Variants in LPP observed in about 807,000 individuals in gnomAD.
The protein encoded by LPP is lipoma-preferred partner.
A neutral mutation model predicts 60.4 loss-of-function variants in LPP; 38 were observed. The ratio of observed to expected loss-of-function variants is 0.63; its 90% CI spans 0.49 to 0.83. The LOEUF is 0.83. Among genes scored for constraint, LPP ranks in the 40% least tolerant of loss-of-function variants. The pLI is 0.00. For synonymous variants in LPP, 328 were observed against 290.8 expected (o/e 1.13, Z -1.30); for missense variants, 902 against 783.6 (o/e 1.15, Z -1.80).
chr3:188,182,007 A>G lies in LPP; in HGVS notation c.-190+27755A>G, dbSNP rs1451915198. Among the ~76,000 whole-genome samples the G allele has an allele frequency of 2.0e-5, 3 of 152,264 alleles. No homozygotes were observed. The highest frequency in any genetic ancestry group is 7.2e-5 in the African/African-American group (3 of 41,476). ...ACTGGCTTTCTGCTGGGATGCCCAC[A>G]GCACTTTGGCCAGATCTCTGATATA... On this transcript the variant is annotated intron_variant, in intron 1 of 11. Coordinates refer to ENST00000617246, the MANE Select transcript of LPP (RefSeq NM_001375462.1). The surrounding 1 kb of genome is among the most constrained non-coding windows in gnomAD (Gnocchi z 4.4).
chr3:188,527,839 C>T (rs1324119010), intron 6 of LPP, among the ~76,000 whole-genome samples: 3 of 150,830 alleles, frequency 2.0e-5, no homozygotes, highest in Non-Finnish European at 4.4e-5. Flanking sequence ...ACCTCCGCCT[C>T]CTGGGTTCAA....
chr3:188,825,469 G>A (rs192006294), intron 9 of LPP, among the ~76,000 whole-genome samples: 54 of 152,168 alleles, frequency 3.5e-4, no homozygotes, highest in Non-Finnish European at 4.7e-4. Context: ...TACTGCTAAG[G>A]AAGGGTTCAA....
intron 6 of LPP, among the ~76,000 whole-genome samples, chr3:188,596,541 A>T (rs957976324): frequency 6.6e-6 from 1 of 152,130 alleles, no homozygotes; most frequent in Non-Finnish European, 1.5e-5. Flanking sequence ...TATACAATCT[A>T]CAGTGTAACT....
intron 1 of LPP, among the ~76,000 whole-genome samples, chr3:188,155,751 C>T (rs1471774236): frequency 1.3e-5 from 2 of 152,116 alleles, no homozygotes; most frequent in Non-Finnish European, 2.9e-5. Context: ...CGGTGGCTCA[C>T]GCCTGTAATC....
At chr3:188,693,415 G>A (rs1194047401) in intron 7 of LPP, among the ~76,000 whole-genome samples, 2 of 152,058 alleles carry the variant, frequency 1.3e-5, no homozygotes, top group African/African-American at 2.4e-5. Flanking sequence ...TTTGCATAAG[G>A]CCCTAAGTCA....
chr3:188,540,481 T>C (rs1824862395), intron 6 of LPP, among the ~76,000 whole-genome samples: 1 of 152,224 alleles, frequency 6.6e-6, no homozygotes, highest in East Asian at 1.9e-4. Context: ...CTCAGGATAA[T>C]TTGGAACTAA....
At chr3:188,570,254 A>G (rs1481075996) in intron 6 of LPP, among the ~76,000 whole-genome samples, 2 of 152,060 alleles carry the variant, frequency 1.3e-5, no homozygotes, top group African/African-American at 2.4e-5. Flanking sequence ...GGTAAGGCAC[A>G]TAGACAAACT....
At chr3:188,873,250 G>A (rs779594088) in intron 11 of LPP, among the ~76,000 whole-genome samples, 2 of 152,094 alleles carry the variant, frequency 1.3e-5, no homozygotes, top group East Asian at 1.9e-4. Context: ...CAAACTTCCC[G>A]CAGAGTATAA....
At chr3:188,514,696 C>T (rs1210612209) in intron 5 of LPP, among the ~76,000 whole-genome samples, 2 of 152,202 alleles carry the variant, frequency 1.3e-5, no homozygotes, top group Non-Finnish European at 2.9e-5. Flanking sequence ...CCCGCCTCAG[C>T]CTCCCAAGGT....
intron 1 of LPP, among the ~76,000 whole-genome samples, chr3:188,204,302 G>T (rs761208880): frequency 1.3e-5 from 2 of 152,126 alleles, no homozygotes; most frequent in Non-Finnish European, 2.9e-5. Flanking sequence ...CTTGAGTCTG[G>T]CCTGAGGGTG....
At chr3:188,646,024 G>A (rs1851047986) in intron 7 of LPP, among the ~76,000 whole-genome samples, 1 of 152,070 alleles carries the variant, frequency 6.6e-6, no homozygotes, top group Admixed American at 6.6e-5. Context: ...AGAAATAAAT[G>A]AAATCATGTC....
chr3:188,782,075 G>A (rs1739975333), intron 9 of LPP, among the ~76,000 whole-genome samples: 1 of 152,052 alleles, frequency 6.6e-6, no homozygotes, highest in South Asian at 2.1e-4. Flanking sequence ...CTTCTGATAT[G>A]CTTGTACCAA....
At chr3:188,751,872 A>G (rs780178848) in intron 8 of LPP, among the ~76,000 whole-genome samples, 5 of 152,284 alleles carry the variant, frequency 3.3e-5, no homozygotes, top group African/African-American at 7.2e-5. Flanking sequence ...GGGGTCTACA[A>G]ATTTTTGTAG....
chr3:188,510,305 G>A (rs1815072351), intron 5 of LPP, among the ~76,000 whole-genome samples: 1 of 152,092 alleles, frequency 6.6e-6, no homozygotes, highest in Admixed American at 6.5e-5. Context: ...CTGGGTCTAA[G>A]GCAGAAATGT....
At chr3:188,654,873 C>G (rs972158590) in intron 7 of LPP, among the ~76,000 whole-genome samples, 3 of 152,132 alleles carry the variant, frequency 2.0e-5, no homozygotes, top group African/African-American at 7.2e-5. Context: ...TTTGGTTATA[C>G]CCAGCAGGAA....
intron 6 of LPP, among the ~76,000 whole-genome samples, chr3:188,563,728 G>GTTTTTTT: frequency 6.9e-6 from 1 of 145,150 alleles, no homozygotes; most frequent in Non-Finnish European, 1.5e-5. Flanking sequence ...GTTTTTTTTT[G>GTTTTTTT]TTTTTTTTTT....
intron 4 of LPP, among the ~76,000 whole-genome samples, chr3:188,459,085 C>T (rs1329028012): frequency 6.6e-6 from 1 of 152,096 alleles, no homozygotes; most frequent in Non-Finnish European, 1.5e-5. Context: ...TAGAATATCA[C>T]TTAGTATTCC....
chr3:188,515,845 C>T (rs1236287499), intron 5 of LPP, among the ~76,000 whole-genome samples: 1 of 152,146 alleles, frequency 6.6e-6, no homozygotes, highest in Non-Finnish European at 1.5e-5. Context: ...ATTTGTGTCT[C>T]TTCCACATAG....
chr3:188,196,153 G>C (rs566633200), intron 1 of LPP, among the ~76,000 whole-genome samples: 5 of 152,086 alleles, frequency 3.3e-5, no homozygotes, highest in African/African-American at 1.2e-4. Context: ...CCTCTCCTTG[G>C]GGTTTCTTTG....
Sources: allele counts gnomAD v4.1 joint callset (sites outside exome capture counted in the v4.1 genomes callset), GRCh38; gene constraint gnomAD v4.1.1; non-coding constraint Gnocchi (gnomAD v3.1); transcripts MANE v1.5; gene names NCBI Gene and HGNC (gene_info 2026-07-23, HGNC 2026-07-21).